SLC29A3: variants seen among roughly 807,000 people sequenced by gnomAD.
The protein encoded by SLC29A3 is solute carrier family 29 member 3, also known as equilibrative nucleoside transporter 3.
SLC29A3 carries 18 observed loss-of-function variants against 25.4 expected under a neutral mutation model. That is an observed-to-expected ratio of 0.71 (90% CI 0.49 to 1.05). SLC29A3 has a LOEUF of 1.05. Ranked by LOEUF, SLC29A3 falls within the 50% of genes least tolerant of loss-of-function variation. The pLI is 0.00. For missense variants in SLC29A3, 586 were observed against 609.0 expected (o/e 0.96, Z 0.40); for synonymous variants, 258 against 267.1 (o/e 0.97, Z 0.33).
At chr10:71,329,457 C>CGAAAAA (rs3059614) in intron 2 of SLC29A3, among the ~76,000 whole-genome samples, 1 of 120,480 alleles carries the variant, frequency 8.3e-6, no homozygotes, top group Non-Finnish European at 1.8e-5. Flanking sequence ...GACTCTGTCT[C>CGAAAAA]AAAAAAAAAA....
chr10:71,350,643 G>A (rs1166413998), intron 3 of SLC29A3, among the ~76,000 whole-genome samples: 2 of 152,168 alleles, frequency 1.3e-5, no homozygotes, highest in African/African-American at 4.8e-5. Context: ...GGGGAGTGTG[G>A]GGGTTCCCTT....
In SLC29A3 at chr10:71,362,282, T is replaced by G; in HGVS notation, c.1102T>G (p.Trp368Gly). 2 of 1,614,214 alleles carry G rather than the reference T, an allele frequency of 1.2e-6. No homozygotes were observed. The highest frequency in any genetic ancestry group is 1.6e-4 in the Middle Eastern group (1 of 6,062). Residue 368 changes from tryptophan (W) to glycine (G), a missense_variant, in exon 6 of 6, where the codon TGG (tryptophan) becomes GGG (glycine). By Grantham distance (184) the Trp-to-Gly change is radical. Coordinates refer to ENST00000373189, the MANE Select transcript of SLC29A3 (RefSeq NM_018344.6). ...CCTATGTGGCCGGCAGCTCACCGCC[T>G]GGATCCAGGTGCCAGGGCCCAATAG... Reference protein sequence around the residue: ...ADLCGRQLTAWIQVPGPNSKA... With the variant: ...ADLCGRQLTAGIQVPGPNSKA...
At chr10:71,327,435 C>T (rs1425758418) in intron 2 of SLC29A3, among the ~76,000 whole-genome samples, 1 of 152,178 alleles carries the variant, frequency 6.6e-6, no homozygotes, top group East Asian at 1.9e-4. Flanking sequence ...GGCACAGGGG[C>T]CTGCAACAGC....
intron 2 of SLC29A3, among the ~76,000 whole-genome samples, chr10:71,335,839 G>C (rs1481835479): frequency 3.3e-5 from 5 of 151,992 alleles, no homozygotes; most frequent in Non-Finnish European, 7.4e-5. Flanking sequence ...CAGGGGAGGT[G>C]AGCTTCTCCT....
chr10:71,355,043 A>G (rs761421512), intron 4 of SLC29A3, among the ~76,000 whole-genome samples: 1 of 152,210 alleles, frequency 6.6e-6, no homozygotes, highest in Non-Finnish European at 1.5e-5. Context: ...GCTGCCTCCC[A>G]GAAGCAACAA....
At chr10:71,322,587 C>T (rs1207628907) in intron 1 of SLC29A3, among the ~76,000 whole-genome samples, 169 bp from the exon 2 acceptor site, 3 of 152,158 alleles carry the variant, frequency 2.0e-5, no homozygotes, top group Non-Finnish European at 4.4e-5. Context: ...TGATTTTTGT[C>T]TTTCTCCCTG....
At chr10:71,341,125 C>T (rs947742908) in intron 2 of SLC29A3, among the ~76,000 whole-genome samples, 56 of 152,230 alleles carry the variant, frequency 3.7e-4, no homozygotes, top group African/African-American at 1.3e-3. Context: ...TCTCACGGGG[C>T]TTGACTCCCC....
chr10:71,322,292 C>T (rs956410698), intron 1 of SLC29A3, among the ~76,000 whole-genome samples: 7 of 152,248 alleles, frequency 4.6e-5, no homozygotes, highest in African/African-American at 1.7e-4. Flanking sequence ...ATTCTACACA[C>T]CATCCTGCTC....
At chr10:71,349,339 G>T (rs1846683046) in intron 3 of SLC29A3, among the ~76,000 whole-genome samples, 1 of 152,128 alleles carries the variant, frequency 6.6e-6, no homozygotes, top group African/African-American at 2.4e-5. Flanking sequence ...TCTCTGCATG[G>T]CTTTTCCTCC....
chr10:71,322,687 C>T lies in SLC29A3; in HGVS notation c.2-69C>T. On this transcript the variant is annotated intron_variant, in intron 1 of 5. Transcript: ENST00000373189. ...TGGTCATTTTGTAGGCTGGGTGGGT[C>T]CCCAGCTGTCCCCCAGCCTTGGTTT... The T allele has an allele frequency of 3.2e-6, 5 of 1,576,858 alleles. 1 individual carries two copies. In the South Asian group the frequency reaches 5.6e-5, roughly 18 times the overall value.
chr10:71,355,848 C>A (rs1203594548), intron 4 of SLC29A3, among the ~76,000 whole-genome samples: 8 of 152,216 alleles, frequency 5.3e-5, no homozygotes, highest in Admixed American at 1.3e-4. Context: ...CAGCCTCTTA[C>A]AAGTCCAGCA....
At chr10:71,322,516 G>T (rs369291883) in intron 1 of SLC29A3, among the ~76,000 whole-genome samples, 5 of 152,174 alleles carry the variant, frequency 3.3e-5, no homozygotes, top group Non-Finnish European at 7.3e-5. Flanking sequence ...TGTTGCCCTT[G>T]CATGGTTGGG....
At chr10:71,351,037 C>T (rs1380896038) in intron 3 of SLC29A3, among the ~76,000 whole-genome samples, 5 of 152,190 alleles carry the variant, frequency 3.3e-5, no homozygotes, top group South Asian at 2.1e-4. Context: ...AAGATGACGA[C>T]GATGATTTTC....
intron 4 of SLC29A3, among the ~76,000 whole-genome samples, chr10:71,379,461 T>A (rs1396519312): frequency 6.6e-6 from 1 of 152,256 alleles, no homozygotes; most frequent in African/African-American, 2.4e-5. Context: ...TCCCCTCTGC[T>A]TTATTCCTTA....
chr10:71,373,947 G>C lies in SLC29A3; in HGVS notation c.*95-1748G>C, dbSNP rs895300253. On this transcript the variant is annotated intron_variant and NMD_transcript_variant, in intron 3 of 4. Coordinates refer to the SLC29A3 transcript ENST00000642772. ...TTCACAGGAGACCCTTCTAGATGTGGGACTGAGCAGAATTCTGAGAAGTCA... is the reference window on the plus strand; with the variant it reads ...TTCACAGGAGACCCTTCTAGATGTGCGACTGAGCAGAATTCTGAGAAGTCA... Among the ~76,000 whole-genome samples, 5 of 152,134 alleles carry C rather than the reference G, an allele frequency of 3.3e-5. No individual in the cohort carries two copies. The East Asian group carries it at 9.6e-4, about 29-fold the overall frequency.
At chr10:71,372,146 G>C (rs1357693014) in intron 3 of SLC29A3, among the ~76,000 whole-genome samples, 1 of 152,214 alleles carries the variant, frequency 6.6e-6, no homozygotes, top group African/African-American at 2.4e-5. Flanking sequence ...GAACTGGCCT[G>C]TTAGCATCTT....
At chr10:71,356,798 C>G (rs1271221274) in intron 5 of SLC29A3, among the ~76,000 whole-genome samples, 1 of 152,218 alleles carries the variant, frequency 6.6e-6, no homozygotes, top group Non-Finnish European at 1.5e-5. Context: ...CAATTCCAGC[C>G]TGGGTGACGG....
intron 2 of SLC29A3, among the ~76,000 whole-genome samples, chr10:71,340,555 A>G (rs1220603075): frequency 6.6e-6 from 1 of 152,228 alleles, no homozygotes; most frequent in Non-Finnish European, 1.5e-5. Context: ...CTCAGGAATC[A>G]GGCCCCAGTG....
Position 71,361,354 on chromosome 10 carries a change from G to A in SLC29A3, c.774-600G>A, listed in dbSNP as rs566755200. On this transcript the variant is annotated intron_variant, in intron 5 of 5. Transcript: ENST00000373189. The stretch of plus-strand genomic sequence containing the variant: ...TTATCGTCATTTTTGTAGAGACAGA[G>A]TTTCACTTGGTTGTGCAGGCTGATG... 2.6e-5 allele frequency among the ~76,000 whole-genome samples: 4 copies of A among 152,200 alleles called. No homozygotes were observed. The South Asian group carries it at 6.2e-4, about 24-fold the overall frequency.
Sources: allele counts gnomAD v4.1 joint callset (sites outside exome capture counted in the v4.1 genomes callset), GRCh38; gene constraint gnomAD v4.1.1; transcripts MANE v1.5; gene names NCBI Gene and HGNC (gene_info 2026-07-23, HGNC 2026-07-21).